The following SLC24A2 variants were observed in gnomAD, a reference collection of about 807,000 sequenced individuals.
SLC24A2 encodes sodium/potassium/calcium exchanger 2.
SLC24A2 carries 36 observed loss-of-function variants against 62.0 expected under a neutral mutation model. That is an observed-to-expected ratio of 0.58 (90% confidence interval 0.44 to 0.77). The LOEUF is 0.77. Ranked by LOEUF, SLC24A2 falls within the 30% of genes least tolerant of loss-of-function variation. The pLI is 0.00. For missense variants in SLC24A2, 846 were observed against 817.9 expected, an observed-to-expected ratio of 1.03 and a Z score of -0.42; for synonymous variants, 358 against 294.0, an observed-to-expected ratio of 1.22 and a Z score of -2.23.
intron 2 of SLC24A2, among the ~76,000 whole-genome samples, chr9:19,746,913 C>T (rs1821848784): frequency 6.6e-6 from 1 of 151,962 alleles, no homozygotes; most frequent in Non-Finnish European, 1.5e-5. Flanking sequence ...GTAATTCCAA[C>T]AATGAAATCA....
the SLC24A2 span, among the ~76,000 whole-genome samples, chr9:20,217,224 A>G: frequency 6.6e-6 from 1 of 152,216 alleles, no homozygotes; most frequent in Non-Finnish European, 1.5e-5. Context: ...AGAAATTGCC[A>G]ACTGTATGAT....
chr9:20,126,040 G>A, the SLC24A2 span, among the ~76,000 whole-genome samples: 7 of 152,176 alleles, frequency 4.6e-5, no homozygotes, highest in Non-Finnish European at 7.3e-5. Flanking sequence ...ACCAGGCACT[G>A]TGAGTGCTCA....
At chr9:19,724,771 C>T (rs1024453347) in intron 2 of SLC24A2, among the ~76,000 whole-genome samples, 1 of 152,138 alleles carries the variant, frequency 6.6e-6, no homozygotes, top group Non-Finnish European at 1.5e-5. Flanking sequence ...CTTTCAATTT[C>T]TGGTTTATGC....
the SLC24A2 span, among the ~76,000 whole-genome samples, chr9:20,285,784 G>A: frequency 2.6e-5 from 4 of 152,132 alleles, no homozygotes; most frequent in Non-Finnish European, 1.5e-5. Context: ...CTATATGACT[G>A]GTGTCTATAT....
rs200816908 is a variant in SLC24A2, at chr9:19,534,864, G to A, written c.1480-6726C>T. Among the ~76,000 whole-genome samples the A allele has an allele frequency of 5.3e-5, 8 of 152,200 alleles. No individual in the cohort carries two copies. The East Asian group carries it at 1.2e-3, about 22-fold the overall frequency. On this transcript the variant is annotated intron_variant, in intron 8 of 10. Transcript: ENST00000341998. Reference sequence around the variant, plus strand: ...AGTAGAATGATTTATAATCCTTTGGGTATATACCCAGTAATGAGATTGCTG... The same window carrying A: ...AGTAGAATGATTTATAATCCTTTGGATATATACCCAGTAATGAGATTGCTG...
At chr9:19,588,594 T>C (rs1467588544) in intron 5 of SLC24A2, among the ~76,000 whole-genome samples, 1 of 112,884 alleles carries the variant, frequency 8.9e-6, no homozygotes, top group Non-Finnish European at 1.9e-5. Context: ...TAGAAGGTAG[T>C]TGTTATATTA....
At chr9:19,720,994 G>A (rs1821010513) in intron 2 of SLC24A2, among the ~76,000 whole-genome samples, 1 of 151,924 alleles carries the variant, frequency 6.6e-6, no homozygotes, top group Non-Finnish European at 1.5e-5. Context: ...GACTGTTTAG[G>A]TACCAGCAAT....
At chr9:19,772,389 G>C (rs1364427710) in intron 2 of SLC24A2, among the ~76,000 whole-genome samples, 1 of 152,144 alleles carries the variant, frequency 6.6e-6, no homozygotes, top group African/African-American at 2.4e-5. Context: ...CTTGGTAGGG[G>C]TTCCCAGGCT....
chr9:19,687,554 C>T (rs1819919788), intron 2 of SLC24A2, among the ~76,000 whole-genome samples: 1 of 152,224 alleles, frequency 6.6e-6, no homozygotes, highest in Non-Finnish European at 1.5e-5. Flanking sequence ...TCACATTCCT[C>T]ATTCTGAAAC....
intron 2 of SLC24A2, among the ~76,000 whole-genome samples, chr9:19,656,754 A>T (rs972157116): frequency 2.6e-5 from 4 of 151,254 alleles, no homozygotes; most frequent in African/African-American, 9.7e-5. Flanking sequence ...CCTTCTCTTT[A>T]CTCTTCTCCT....
the SLC24A2 span, among the ~76,000 whole-genome samples, chr9:20,209,345 CCAAA>C: frequency 6.6e-6 from 1 of 152,166 alleles, no homozygotes; most frequent in East Asian, 1.9e-4. Flanking sequence ...GAAATTCTAG[CCAAA>C]CAGCCATGCA....
chr9:20,114,350 G>A, the SLC24A2 span, among the ~76,000 whole-genome samples: 2 of 152,152 alleles, frequency 1.3e-5, no homozygotes, highest in South Asian at 2.1e-4. Context: ...ATCAGGAAGA[G>A]TGCTTATCAG....
chr9:19,894,851 A>G, the SLC24A2 span, among the ~76,000 whole-genome samples: 6 of 152,182 alleles, frequency 3.9e-5, no homozygotes, highest in Admixed American at 3.9e-4. Context: ...ATGGCCTAAG[A>G]ATGCTACCTT....
At chr9:20,202,633 G>C in the SLC24A2 span, among the ~76,000 whole-genome samples, 1 of 152,138 alleles carries the variant, frequency 6.6e-6, no homozygotes, top group Non-Finnish European at 1.5e-5. Context: ...GTGGCTTAGA[G>C]CTCACAGTTC....
At chr9:19,934,108 C>T in the SLC24A2 span, among the ~76,000 whole-genome samples, 2 of 152,072 alleles carry the variant, frequency 1.3e-5, no homozygotes, top group African/African-American at 2.4e-5. This position sits in a 1 kb window ranked among gnomAD's most constrained non-coding sequence, Gnocchi z 4.1. Flanking sequence ...TTTAAAAGGG[C>T]GAATTTTATA....
At chr9:20,120,623 G>C in the SLC24A2 span, among the ~76,000 whole-genome samples, 1 of 151,982 alleles carries the variant, frequency 6.6e-6, no homozygotes, top group East Asian at 1.9e-4. Context: ...CTGGGTGATA[G>C]AATTATCTGT....
At chr9:20,190,863 C>T in the SLC24A2 span, among the ~76,000 whole-genome samples, 2 of 152,280 alleles carry the variant, frequency 1.3e-5, no homozygotes, top group Middle Eastern at 3.4e-3. Flanking sequence ...TACCTATTCA[C>T]AGGATTAATG....
At chr9:20,018,210 G>A in the SLC24A2 span, among the ~76,000 whole-genome samples, 1 of 152,200 alleles carries the variant, frequency 6.6e-6, no homozygotes, top group Non-Finnish European at 1.5e-5. Flanking sequence ...GCCTCCTAAA[G>A]TGCTGGGATT....
the SLC24A2 span, among the ~76,000 whole-genome samples, chr9:19,981,281 C>T: frequency 5.9e-5 from 9 of 152,242 alleles, no homozygotes; most frequent in Non-Finnish European, 1.0e-4. Flanking sequence ...TCATTGAGCA[C>T]TTAGTATTGT....
Sources: gnomAD v4.1 joint callset for allele counts (sites outside exome capture counted in the v4.1 genomes callset) on GRCh38, gnomAD v4.1.1 for gene constraint, Gnocchi (gnomAD v3.1) non-coding constraint, MANE v1.5 for transcripts, NCBI Gene and HGNC (gene_info 2026-07-23, HGNC 2026-07-21) for gene names.